The following BDP1 variants were observed in gnomAD, a reference collection of about 807,000 sequenced individuals.
The protein encoded by BDP1 is transcription factor TFIIIB component B'' homolog.
BDP1 carries 169 observed loss-of-function variants against 266.6 expected under a neutral mutation model. The observed-to-expected ratio is 0.63, with a 90% CI of 0.56 to 0.72. The LOEUF (loss-of-function observed/expected upper bound fraction) is 0.72, where lower values mean the gene tolerates loss of function less well. Among genes scored for constraint, BDP1 ranks in the 30% least tolerant of loss-of-function variants. The pLI, the probability that BDP1 is intolerant of heterozygous loss-of-function variation, is 0.00. For synonymous variants in BDP1, 1,090 were observed against 1,022.4 expected (o/e 1.07, Z -1.26); for missense variants, 3,015 against 3,053.8 (o/e 0.99, Z 0.30).
At chr5:71,520,352 AAT>A (rs1398997613) in intron 22 of BDP1, among the ~76,000 whole-genome samples, 34 of 152,232 alleles carry the variant, frequency 2.2e-4, no homozygotes, top group Admixed American at 1.2e-3. Context: ...ACTTCACATT[AAT>A]TTTAGGTTCC....
At chr5:71,512,542 GT>G (rs1282730611) in intron 18 of BDP1, 114 bp downstream of exon 18, 5 of 648,972 alleles carry the variant, frequency 7.7e-6, no homozygotes, top group African/African-American at 1.9e-5. Flanking sequence ...TTTTAAGATA[GT>G]TTTGGGAAGA....
intron 13 of BDP1, 56 bp from the exon 14 acceptor site, chr5:71,501,506 A>T: frequency 9.2e-7 from 1 of 1,083,020 alleles, no homozygotes; most frequent in Non-Finnish European, 1.4e-6. Context: ...TTTGTTTATT[A>T]CAAAGTTTGA....
intron 34 of BDP1, 89 bp downstream of exon 34, chr5:71,549,695 A>G (rs964105023): frequency 9.3e-7 from 1 of 1,076,872 alleles, no homozygotes; most frequent in South Asian, 2.4e-5. Flanking sequence ...CACCAATGTT[A>G]GTTGTTATTG....
chr5:71,537,447 A>C (rs1766696980), intron 26 of BDP1, among the ~76,000 whole-genome samples: 1 of 152,228 alleles, frequency 6.6e-6, no homozygotes, highest in Non-Finnish European at 1.5e-5. Context: ...AGAGTTACTA[A>C]AAAACTTGCA....
chr5:71,519,744 TG>T (rs1160566812), intron 22 of BDP1, among the ~76,000 whole-genome samples: 15 of 152,380 alleles, frequency 9.8e-5, no homozygotes, highest in African/African-American at 3.6e-4. Flanking sequence ...TATTATGTGT[TG>T]GCTATTGTGA....
In BDP1 at chr5:71,461,892, T is replaced by C. The variant is rs766982540; in HGVS notation, c.565T>C (p.Phe189Leu). ...TCGTTCAAAAATGACTATGAGAGAC[T>C]TCATATATTATCTACCAGATAATAA... ...PDRSKMTMRD[F>L]IYYLPDNNPM... Residue 189 changes from phenylalanine (F) to leucine (L), a missense_variant, in exon 3 of 39, where the codon TTC becomes CTC. Physicochemically the swap from Phe to Leu is conservative, Grantham distance 22. This residue lies in a region of BDP1 where 2,383 missense variants were observed against 2,404.9 expected (regional missense o/e 0.99). Coordinates refer to ENST00000358731, the MANE Select transcript of BDP1 (RefSeq NM_018429.3). 4 of 1,588,872 alleles carry C rather than the reference T, an allele frequency of 2.5e-6. No individual in the cohort carries two copies. The highest frequency in any genetic ancestry group is 8.6e-7 in the Non-Finnish European group (1 of 1,159,886).
intron 25 of BDP1, among the ~76,000 whole-genome samples, chr5:71,525,081 A>G (rs1355130402): frequency 6.6e-6 from 1 of 152,072 alleles, no homozygotes; most frequent in South Asian, 2.1e-4. Context: ...TCTTTTCCCC[A>G]CTGTTCCCCC....
At chr5:71,483,359 A>G (rs1321218290) in intron 7 of BDP1, among the ~76,000 whole-genome samples, 2 of 152,156 alleles carry the variant, frequency 1.3e-5, no homozygotes, top group Non-Finnish European at 2.9e-5. Context: ...GGGCTGAGAA[A>G]AATGTGAGGA....
intron 28 of BDP1, among the ~76,000 whole-genome samples, chr5:71,540,966 C>T (rs1376838495): frequency 6.6e-6 from 1 of 152,018 alleles, no homozygotes; most frequent in Non-Finnish European, 1.5e-5. Context: ...ACATATTAGA[C>T]TTTTAGGCTT....
chr5:71,578,170 C>G, the BDP1 span, among the ~76,000 whole-genome samples: 2 of 152,184 alleles, frequency 1.3e-5, no homozygotes, highest in Non-Finnish European at 2.9e-5. Flanking sequence ...AGCAGCTGAC[C>G]TCTTCTTCCA....
chr5:71,515,549 T>G (rs1440707003), intron 20 of BDP1, among the ~76,000 whole-genome samples: 1 of 152,172 alleles, frequency 6.6e-6, no homozygotes, highest in Non-Finnish European at 1.5e-5. Flanking sequence ...TCTGAAACAT[T>G]TCTGGTCCTA....
intron 38 of BDP1, 35 bp from the exon 39 acceptor site, chr5:71,564,719 G>A (rs766784789): frequency 7.1e-6 from 11 of 1,543,936 alleles, no homozygotes; most frequent in Non-Finnish European, 9.7e-6. Flanking sequence ...TTGTATTACA[G>A]TTTTATTTTT....
At chr5:71,575,070 G>C in the BDP1 span, among the ~76,000 whole-genome samples, 10 of 152,180 alleles carry the variant, frequency 6.6e-5, no homozygotes, top group African/African-American at 2.4e-4. Flanking sequence ...GGACAGTCTT[G>C]TACTTTTCAG....
intron 38 of BDP1, among the ~76,000 whole-genome samples, chr5:71,563,937 A>G (rs913981660): frequency 6.6e-6 from 1 of 152,178 alleles, no homozygotes; most frequent in Middle Eastern, 3.4e-3. Flanking sequence ...TTCCCCACCT[A>G]CCTCCGTCCA....
At position 71,548,968 on chromosome 5, in the gene BDP1, T is replaced by C. The variant is rs559217185; in HGVS notation, c.6808+223T>C. Among the ~76,000 whole-genome samples, 17 of 152,302 alleles carry C rather than the reference T, an allele frequency of 1.1e-4. 1 individual carries two copies. The South Asian group carries it at 3.5e-3, about 32-fold the overall frequency. ...TCACCTTTATCCTTTATGAAATTACTTCTTGGGCCAGTCATGGTGGCTCAC... is the reference window on the plus strand; with the variant it reads ...TCACCTTTATCCTTTATGAAATTACCTCTTGGGCCAGTCATGGTGGCTCAC... On this transcript the variant is annotated intron_variant, in intron 33 of 38. Coordinates refer to ENST00000358731, the MANE Select transcript of BDP1 (RefSeq NM_018429.3).
In BDP1 at chr5:71,522,414, C is replaced by G. The variant is rs928993614; in HGVS notation, c.5117C>G (p.Thr1706Arg). 2 of 1,612,878 alleles carry G rather than the reference C, an allele frequency of 1.2e-6. No individual in the cohort carries two copies. Among genetic ancestry groups the G allele is most frequent in the African/African-American group, 2.7e-5 (2 of 74,526 alleles). Reference sequence around the variant, plus strand: ...GAACCAGTTTTAGAAAAAGTCACAACAGATCAGAGCAAGGAAGGCAAGCCA... The same window carrying G: ...GAACCAGTTTTAGAAAAAGTCACAAGAGATCAGAGCAAGGAAGGCAAGCCA... The part of the protein sequence containing the change: ...KEEPVLEKVT[T>R]DQSKEGKPED... Residue 1706 changes from threonine to arginine, a missense_variant, in exon 23 of 39, where the codon ACA (threonine) becomes AGA (arginine). Around this residue, in one of 3 missense-constraint regions of BDP1, gnomAD observed 2,383 missense variants for 2,404.9 expected, o/e 0.99. Coordinates refer to ENST00000358731, the MANE Select transcript of BDP1 (RefSeq NM_018429.3).
intron 32 of BDP1, among the ~76,000 whole-genome samples, chr5:71,547,811 G>C (rs1244370263): frequency 6.6e-6 from 1 of 152,078 alleles, no homozygotes; most frequent in East Asian, 1.9e-4. Context: ...AGCTGGGCAT[G>C]GTGGTGTGTG....
intron 15 of BDP1, among the ~76,000 whole-genome samples, chr5:71,503,934 C>T (rs1284261212): frequency 6.6e-6 from 1 of 150,850 alleles, no homozygotes; most frequent in African/African-American, 2.4e-5. Context: ...ATAATTATGC[C>T]GTTGCACTCT....
rs1233426691 is a variant in BDP1 at position 71,548,679 on chromosome 5, C to T, written c.6745-3C>T. On this transcript the variant is annotated splice_region_variant and splice_polypyrimidine_tract_variant and intron_variant, in intron 32 of 38. Coordinates refer to ENST00000358731, the MANE Select transcript of BDP1 (RefSeq NM_018429.3). ...ACTCTTTCATTTTAATTTTTTATGG[C>T]AGTATACACCAACAAGTATTCCAGA... 1.3e-6 allele frequency: 2 copies of T among 1,594,172 alleles called. No individual in the cohort carries two copies. Among genetic ancestry groups the T allele is most frequent in the Non-Finnish European group, 1.7e-6 (2 of 1,163,876 alleles).
Sources: gnomAD v4.1 joint callset for allele counts (sites outside exome capture counted in the v4.1 genomes callset) on GRCh38, gnomAD v4.1.1 for gene constraint, gnomAD v4.1.1 regional missense constraint, MANE v1.5 for transcripts, NCBI Gene and HGNC (gene_info 2026-07-23, HGNC 2026-07-21) for gene names.